The following FAM221B variants were observed in gnomAD, a reference collection of about 807,000 sequenced individuals.
FAM221B encodes family with sequence similarity 221 member B.
Under a neutral mutation model 39.8 loss-of-function variants are expected in FAM221B, and 35 were observed. The observed-to-expected ratio is 0.88, with a 90% CI of 0.67 to 1.17. FAM221B has a LOEUF of 1.17. FAM221B is among the 50% of genes most tolerant of loss of function. The probability of loss-of-function intolerance (pLI) is 0.00; values close to 1 mark genes in which losing one functional copy is unlikely to be tolerated. For synonymous variants in FAM221B, 158 were observed against 178.1 expected (o/e 0.89, Z 0.90); for missense variants, 479 against 503.1 (o/e 0.95, Z 0.46).
intron 1 of FAM221B, among the ~76,000 whole-genome samples, chr9:35,827,910 A>T (rs1829446573): frequency 6.6e-6 from 1 of 152,164 alleles, no homozygotes. Flanking sequence ...AAAGGGGCCT[A>T]AGAGTGGAGA....
intron 3 of FAM221B, 93 bp from the exon 4 acceptor site, chr9:35,820,093 G>T: frequency 1.2e-6 from 1 of 822,582 alleles, no homozygotes; most frequent in Non-Finnish European, 2.0e-6. Context: ...AGGGGGTGGG[G>T]GGAACTTACC....
At chr9:35,826,633 G>A (rs190746420) in intron 1 of FAM221B, among the ~76,000 whole-genome samples, 6 of 152,258 alleles carry the variant, frequency 3.9e-5, no homozygotes, top group Admixed American at 1.3e-4. Flanking sequence ...GACACTGCAC[G>A]CAGCCTGGTT....
intron 3 of FAM221B, among the ~76,000 whole-genome samples, chr9:35,820,360 TCTC>T (rs1347666825): frequency 6.6e-6 from 1 of 152,178 alleles, no homozygotes; most frequent in African/African-American, 2.4e-5. Flanking sequence ...GGGATTCTCA[TCTC>T]CTCTCCTCAT....
chr9:35,826,342 A>T (rs1057040437), intron 1 of FAM221B, among the ~76,000 whole-genome samples, 181 bp from the exon 2 acceptor site: 2 of 152,216 alleles, frequency 1.3e-5, no homozygotes, highest in African/African-American at 4.8e-5. Flanking sequence ...AGGTTCACCC[A>T]TGTGTCCAGA....
chr9:35,823,828 A>ATTATT (rs1419580953), intron 3 of FAM221B, among the ~76,000 whole-genome samples: 2 of 151,922 alleles, frequency 1.3e-5, no homozygotes, highest in Non-Finnish European at 2.9e-5. Flanking sequence ...CTATGTCTGG[A>ATTATT]TTATTTTATT....
rs146936458 is a variant in FAM221B, at chr9:35,819,487, C to G, written c.854-93G>C. ...CTCCATCCCCACCACCCCCTATGCA[C>G]GCAGACATGCTTTTTTTTTTTTTGA... On this transcript the variant is annotated intron_variant, in intron 4 of 6. Coordinates refer to ENST00000423537, the MANE Select transcript of FAM221B (RefSeq NM_001012446.4). The G allele has an allele frequency of 3.7e-3, 4,292 of 1,146,576 alleles. 20 individuals are homozygous for G. Among genetic ancestry groups the G allele is most frequent in the Non-Finnish European group, 4.6e-3 (3,750 of 822,086 alleles). The allele number at this position is 1,146,576 out of a possible 1,614,324, so 71.0% of individuals were successfully genotyped here.
Position 35,819,057 on chromosome 9 carries a change from C to T in FAM221B, c.1052-48G>A, listed in dbSNP as rs1305371335. On this transcript the variant is annotated intron_variant, in intron 5 of 6. Transcript: ENST00000423537. ...AAGAGTTTAGGAAATGGTGGTATCC[C>T]CAGGAGCTGACCACATTCTCATCTC... 10 of 1,549,692 alleles carry T rather than the reference C, an allele frequency of 6.5e-6. No individual in the cohort carries two copies. The East Asian group carries it at 1.7e-4, about 27-fold the overall frequency.
chr9:35,826,285 TAA>T (rs1829356417), intron 1 of FAM221B, 124 bp from the exon 2 acceptor site: 3 of 742,772 alleles, frequency 4.0e-6, no homozygotes, highest in Non-Finnish European at 6.6e-6. Flanking sequence ...AGCTGAGATA[TAA>T]GAGGGAAACA....
In FAM221B at chr9:35,818,442, C is replaced by T; in HGVS notation, c.*27G>A. ...GAGCCAAGTCAGGTTCCAATGACTC[C>T]TCTTTTATTGCTGATCTGGGCCAGA... On this transcript the variant is annotated 3_prime_UTR_variant, in exon 7 of 7. Coordinates refer to ENST00000423537, the MANE Select transcript of FAM221B (RefSeq NM_001012446.4). 1 of 1,551,134 alleles carries T rather than the reference C, an allele frequency of 6.4e-7. No individual in the cohort carries two copies. Among genetic ancestry groups the T allele is most frequent in the East Asian group, 2.4e-5 (1 of 40,920 alleles).
In FAM221B at chr9:35,819,204, C is replaced by T. The variant is rs1829084107; in HGVS notation, c.1044G>A (p.Arg348=). 1 of 1,551,090 alleles carries T rather than the reference C, an allele frequency of 6.4e-7. No homozygotes were observed. Among genetic ancestry groups the T allele is most frequent in the African/African-American group, 1.4e-5 (1 of 73,060 alleles). ...EHAATGPHPC[R]HHGCCCGCFE... is the part of the protein sequence containing the mutation. ...TCTTGCCCTAGAAGTTACCATGATG[C>T]CTGCAGGGATGGGGCCCAGTGGCTG... The change falls in exon 5 of 7, where the codon AGG becomes AGA. Residue 348 remains arginine (R), a synonymous_variant. Coordinates refer to ENST00000423537, the MANE Select transcript of FAM221B (RefSeq NM_001012446.4).
chr9:35,826,879 T>A (rs953259359), intron 1 of FAM221B: 1 of 152,374 alleles, frequency 6.6e-6, no homozygotes, highest in Non-Finnish European at 1.5e-5. Flanking sequence ...CAATCTCGGT[T>A]CACTGCAACC....
At position 35,819,884 on chromosome 9, in the gene FAM221B, C is replaced by T; in HGVS notation, c.853+6G>A. On this transcript the variant is annotated splice_donor_region_variant and intron_variant, in intron 4 of 6. Coordinates refer to ENST00000423537, the MANE Select transcript of FAM221B (RefSeq NM_001012446.4). ...ACTCGAGAGGGGCTGGTCAGTTCTC[C>T]CCTACCTGAGATGATCCGGTGCTCT... 1 of 1,602,932 alleles carries T rather than the reference C, an allele frequency of 6.2e-7. No homozygotes were observed. The highest frequency in any genetic ancestry group is 8.5e-7 in the Non-Finnish European group (1 of 1,169,952).
In FAM221B at chr9:35,825,779, A is replaced by T. The variant is rs902720668; in HGVS notation, c.383T>A (p.Leu128His). Residue 128 changes from leucine (L) to histidine (H), a missense_variant, in exon 2 of 7, where the codon CTC (leucine) becomes CAC (histidine). Physicochemically the swap from Leu to His is moderately conservative, Grantham distance 99 (BLOSUM62 -3). Coordinates refer to ENST00000423537, the MANE Select transcript of FAM221B (RefSeq NM_001012446.4). This position sits in a 1 kb window ranked among gnomAD's most constrained non-coding sequence, Gnocchi z 4.2. ...CTCATTGGAAGAAGACTCAGAGGAG[A>T]GGTCTTCCTTCAGAGTATCAGAAGA... ...LSSSDTLKED[L>H]SSESSSNEVP... 2.5e-6 allele frequency: 4 copies of T among 1,614,068 alleles called. No homozygotes were observed. In the African/African-American group the frequency reaches 5.3e-5, roughly 22 times the overall value.
chr9:35,818,063 CTTT>C lies in FAM221B; in HGVS notation c.*403_*405del. On this transcript the variant is annotated 3_prime_UTR_variant, in exon 7 of 7. Transcript: ENST00000423537. ...ACTTTTGTACTTTTCATCCAAGCTT[CTTT>C]AAGAGACTCCTTGAAACTCACTGCT... 5.3e-6 allele frequency: 1 copy of C among 188,710 alleles called. No individual in the cohort carries two copies. The highest frequency in any genetic ancestry group is 1.1e-4 in the South Asian group (1 of 9,210). The allele number at this position is 188,710 out of a possible 1,614,324, so 11.7% of individuals were successfully genotyped here.
Position 35,828,374 on chromosome 9 carries a change from T to A in FAM221B, c.-1+89A>T, listed in dbSNP as rs976296944. On this transcript the variant is annotated intron_variant, in intron 1 of 6. Coordinates refer to ENST00000423537, the MANE Select transcript of FAM221B (RefSeq NM_001012446.4). This position sits in a 1 kb window ranked among gnomAD's most constrained non-coding sequence, Gnocchi z 4.5. ...CTACTACTACTACTACTACTACTAC[T>A]ACTACAACAATGTGAAGGGACTGAG... is the stretch of plus-strand genomic sequence containing the variant. The A allele has an allele frequency of 3.0e-5, 7 of 233,402 alleles. No individual in the cohort carries two copies. Among genetic ancestry groups the A allele is most frequent in the African/African-American group, 1.2e-4 (5 of 40,660 alleles). 14.5% of individuals were successfully genotyped at this position (233,402 alleles called of 1,614,324 possible).
chr9:35,825,474 C>A lies in FAM221B; in HGVS notation c.598+90G>T. Reference sequence around the variant, plus strand: ...GTAACCCAGTCTCCTCCTCCTGGGGCAAGTCAAGGACAGTGAATAGTAGTG... The same window carrying A: ...GTAACCCAGTCTCCTCCTCCTGGGGAAAGTCAAGGACAGTGAATAGTAGTG... On this transcript the variant is annotated intron_variant, in intron 2 of 6. Coordinates refer to ENST00000423537, the MANE Select transcript of FAM221B (RefSeq NM_001012446.4). The surrounding 1 kb of genome is among the most constrained non-coding windows in gnomAD (Gnocchi z 4.2). 6.3e-7 allele frequency: 1 copy of A among 1,584,096 alleles called. No homozygotes were observed. Among genetic ancestry groups the A allele is most frequent in the Non-Finnish European group, 8.6e-7 (1 of 1,160,406 alleles).
intron 3 of FAM221B, among the ~76,000 whole-genome samples, chr9:35,820,887 G>A (rs1829134989): frequency 1.3e-5 from 2 of 152,076 alleles, no homozygotes; most frequent in East Asian, 3.9e-4. Flanking sequence ...ACTGAGGGAG[G>A]ATAACCAGAT....
At chr9:35,820,093 G>A in intron 3 of FAM221B, 93 bp from the exon 4 acceptor site, 1 of 822,582 alleles carries the variant, frequency 1.2e-6, no homozygotes, top group Non-Finnish European at 2.0e-6. Context: ...AGGGGGTGGG[G>A]GGAACTTACC....
In FAM221B at chr9:35,825,177, TA is replaced by T; in HGVS notation, c.742+52del. The T allele has an allele frequency of 1.2e-6, 2 of 1,605,338 alleles. No individual in the cohort carries two copies. ...GTTCAGGTTCCCAGATCTTTTGGAT[TA>T]GAGGATGCCCATGGGCCTGTCACAG... On this transcript the variant is annotated intron_variant, in intron 3 of 6. Coordinates refer to ENST00000423537, the MANE Select transcript of FAM221B (RefSeq NM_001012446.4). The surrounding 1 kb of genome is among the most constrained non-coding windows in gnomAD (Gnocchi z 4.2).
Sources: allele counts gnomAD v4.1 joint callset (sites outside exome capture counted in the v4.1 genomes callset), GRCh38; gene constraint gnomAD v4.1.1; non-coding constraint Gnocchi (gnomAD v3.1); transcripts MANE v1.5; gene names NCBI Gene and HGNC (gene_info 2026-07-23, HGNC 2026-07-21).